Variants in ATG10 observed in about 807,000 individuals in gnomAD.
The protein encoded by ATG10 is ubiquitin-like-conjugating enzyme ATG10.
Under a neutral mutation model 32.1 loss-of-function variants are expected in ATG10, and 30 were observed. The ratio of observed to expected loss-of-function variants is 0.94; its 90% CI spans 0.70 to 1.27. The LOEUF (loss-of-function observed/expected upper bound fraction) is 1.27, where lower values mean the gene tolerates loss of function less well. Among genes scored for constraint, ATG10 ranks in the 50% most tolerant of loss-of-function variants. The pLI is 0.00. For missense variants in ATG10, 233 were observed against 262.3 expected (o/e 0.89, Z 0.77); for synonymous variants, 87 against 91.5 (o/e 0.95, Z 0.28).
At position 82,175,047 on chromosome 5, in the gene ATG10, A is replaced by G. The variant is rs1743959561; in HGVS notation, c.356-3443A>G. Among the ~76,000 whole-genome samples, 3 of 152,198 alleles carry G rather than the reference A, an allele frequency of 2.0e-5. No individual in the cohort carries two copies. In the South Asian group the frequency reaches 6.2e-4, roughly 31 times the overall value. ...TGTCTAAGCCATCTCAACCAGTTGCATCATTGTGGATGTATAACAGACTTG... is the reference window on the plus strand; with the variant it reads ...TGTCTAAGCCATCTCAACCAGTTGCGTCATTGTGGATGTATAACAGACTTG... On this transcript the variant is annotated intron_variant, in intron 4 of 7. Transcript: ENST00000282185.
chr5:82,252,748 A>G (rs1402209155), intron 6 of ATG10, 89 bp downstream of exon 6: 1 of 724,198 alleles, frequency 1.4e-6, no homozygotes, highest in African/African-American at 1.8e-5. Context: ...AGGCTAAAAA[A>G]GAAATATTAA....
intron 5 of ATG10, among the ~76,000 whole-genome samples, chr5:82,244,587 G>A (rs367970862): frequency 3.6e-4 from 55 of 152,256 alleles, no homozygotes; most frequent in African/African-American, 1.3e-3. Context: ...TGTGCCCAGC[G>A]TGGAAGGCAA....
At chr5:82,142,208 C>T (rs137871750) in intron 3 of ATG10, among the ~76,000 whole-genome samples, 1 of 152,266 alleles carries the variant, frequency 6.6e-6, no homozygotes, top group African/African-American at 2.4e-5. Flanking sequence ...CTTGTTTCCT[C>T]AAGCCAACAG....
chr5:82,031,064 T>A (rs1762730268), intron 2 of ATG10, among the ~76,000 whole-genome samples: 1 of 152,120 alleles, frequency 6.6e-6, no homozygotes, highest in Admixed American at 6.5e-5. Context: ...AAAACTAACT[T>A]CTTATTTTAT....
rs539386719 is a variant in ATG10, at chr5:82,129,362, C to T, written c.217-35037C>T. 1.1e-3 allele frequency among the ~76,000 whole-genome samples: 174 copies of T among 152,074 alleles called. 2 individuals carry two copies. The highest frequency in any genetic ancestry group is 2.3e-3 in the Admixed American group (35 of 15,266). On this transcript the variant is annotated intron_variant, in intron 3 of 7. Transcript: ENST00000282185. ...CTTCTGTCAATTCATCAAACTCATT[C>T]CATGTCCAGTTATGTTCCCTTGCTG... is the stretch of plus-strand genomic sequence containing the variant.
chr5:82,046,937 A>G (rs1359809647), intron 2 of ATG10, among the ~76,000 whole-genome samples: 2 of 152,134 alleles, frequency 1.3e-5, no homozygotes, highest in East Asian at 1.9e-4. Context: ...GTAACTTTAA[A>G]TCCAGAAATC....
At chr5:82,140,010 T>C (rs1410602414) in intron 3 of ATG10, among the ~76,000 whole-genome samples, 3 of 109,350 alleles carry the variant, frequency 2.7e-5, no homozygotes, top group Non-Finnish European at 5.8e-5. Flanking sequence ...CGGCCGCCCC[T>C]ACTGGGAAGT....
At chr5:82,001,340 A>G (rs1761843243) in intron 2 of ATG10, among the ~76,000 whole-genome samples, 1 of 152,232 alleles carries the variant, frequency 6.6e-6, no homozygotes, top group Non-Finnish European at 1.5e-5. Context: ...CCAAATAGCT[A>G]AGGCAATACT....
intron 2 of ATG10, among the ~76,000 whole-genome samples, chr5:82,037,589 G>A (rs1762973004): frequency 6.6e-6 from 1 of 152,070 alleles, no homozygotes; most frequent in Non-Finnish European, 1.5e-5. Flanking sequence ...AGTCATGATA[G>A]TGAGCATTCT....
At chr5:82,246,122 G>A (rs1029583631) in intron 5 of ATG10, among the ~76,000 whole-genome samples, 7 of 147,296 alleles carry the variant, frequency 4.8e-5, no homozygotes, top group Non-Finnish European at 4.4e-5. Context: ...CCCAGGCTGA[G>A]TGCAGTGGCA....
chr5:82,093,165 A>G (rs1764947439), intron 3 of ATG10, among the ~76,000 whole-genome samples: 2 of 152,190 alleles, frequency 1.3e-5, no homozygotes, highest in South Asian at 4.1e-4. Context: ...TGAACTTGTT[A>G]CATATGTGGT....
At chr5:82,251,981 G>A (rs1053459042) in intron 5 of ATG10, among the ~76,000 whole-genome samples, 6 of 152,076 alleles carry the variant, frequency 3.9e-5, no homozygotes, top group Non-Finnish European at 8.8e-5. Context: ...ACTCAGAGAC[G>A]GAAAGAGAGA....
chr5:82,165,826 G>T (rs1244195363), intron 4 of ATG10, among the ~76,000 whole-genome samples: 4 of 152,148 alleles, frequency 2.6e-5, no homozygotes, highest in Admixed American at 2.6e-4. Flanking sequence ...TGTCTTTCTT[G>T]GTTCTGGTTT....
intron 3 of ATG10, among the ~76,000 whole-genome samples, chr5:82,113,333 C>T (rs928293575): frequency 6.6e-6 from 1 of 151,806 alleles, no homozygotes; most frequent in South Asian, 2.1e-4. Flanking sequence ...TGCTAAGAAG[C>T]AATGCAGAGA....
At chr5:82,205,171 T>C (rs143827525) in intron 5 of ATG10, among the ~76,000 whole-genome samples, 156 of 152,278 alleles carry the variant, frequency 1.0e-3, no homozygotes, top group African/African-American at 3.4e-3. Context: ...AGAAGTCAGG[T>C]AAGAAAAGAC....
At chr5:82,144,024 T>A (rs1296634543) in intron 3 of ATG10, among the ~76,000 whole-genome samples, 1 of 152,188 alleles carries the variant, frequency 6.6e-6, no homozygotes, top group African/African-American at 2.4e-5. Flanking sequence ...ATAGAGCTAT[T>A]TAGAGTATCT....
chr5:82,098,573 G>A (rs923765830), intron 3 of ATG10, among the ~76,000 whole-genome samples: 4 of 152,152 alleles, frequency 2.6e-5, no homozygotes, highest in African/African-American at 9.6e-5. Flanking sequence ...GCCTCCCAAA[G>A]TGCTGGGATT....
At chr5:82,166,614 C>A (rs79465422) in intron 4 of ATG10, among the ~76,000 whole-genome samples, 4 of 151,968 alleles carry the variant, frequency 2.6e-5, no homozygotes, top group Non-Finnish European at 5.9e-5. Flanking sequence ...CATTTATTCC[C>A]CCCCCAGTCT....
chr5:82,040,123 G>C (rs1763040234), intron 2 of ATG10, among the ~76,000 whole-genome samples: 1 of 152,168 alleles, frequency 6.6e-6, no homozygotes, highest in East Asian at 1.9e-4. Flanking sequence ...GCCTGGAACT[G>C]GCAGAGGGTC....
Sources: allele counts gnomAD v4.1 joint callset (sites outside exome capture counted in the v4.1 genomes callset), GRCh38; gene constraint gnomAD v4.1.1; transcripts MANE v1.5; gene names NCBI Gene and HGNC (gene_info 2026-07-23, HGNC 2026-07-21).